VPS33B: variants seen among roughly 807,000 people sequenced by gnomAD.
The protein encoded by VPS33B is vacuolar protein sorting-associated protein 33B.
A neutral mutation model predicts 95.3 loss-of-function variants in VPS33B; 80 were observed. The ratio of observed to expected loss-of-function variants is 0.84; its 90% CI spans 0.70 to 1.01. VPS33B has a LOEUF of 1.01. VPS33B is among the 50% of genes least tolerant of loss of function. The pLI is 0.00. For missense variants in VPS33B, 715 were observed against 773.4 expected, an observed-to-expected ratio of 0.92 and a Z score of 0.90; for synonymous variants, 280 against 280.4, an observed-to-expected ratio of 1.00 and a Z score of 0.01.
rs762059850 is a variant in VPS33B at position 91,001,363 on chromosome 15, C to T, written c.1479+26G>A. The T allele has an allele frequency of 3.8e-6, 6 of 1,580,596 alleles. No individual in the cohort carries two copies. The South Asian group carries it at 6.6e-5, about 17-fold the overall frequency. Reference sequence around the variant, plus strand: ...CCACAATGGAATGAACCCACTGTCTCCCCTAACCATCCCTGTTCCACATAC... The same window carrying T: ...CCACAATGGAATGAACCCACTGTCTTCCCTAACCATCCCTGTTCCACATAC... On this transcript the variant is annotated intron_variant, in intron 19 of 22. Transcript: ENST00000333371.
Position 91,022,149 on chromosome 15 carries a change from C to T in VPS33B, c.96+5G>A. 1 of 1,558,738 alleles carries T rather than the reference C, an allele frequency of 6.4e-7. No homozygotes were observed. The highest frequency in any genetic ancestry group is 8.7e-7 in the Non-Finnish European group (1 of 1,150,298). On this transcript the variant is annotated splice_donor_5th_base_variant and intron_variant, in intron 1 of 22. Coordinates refer to ENST00000333371, the MANE Select transcript of VPS33B (RefSeq NM_018668.5). ...ATGCGATAAAGGCGTCAGGCAAGCA[C>T]TGACCTGCTCCAGCAGATAGATGAG... is the stretch of plus-strand genomic sequence containing the variant.
Position 91,009,712 on chromosome 15 carries a change from G to A in VPS33B, c.403+89C>T, listed in dbSNP as rs1013199553. 7 of 1,369,688 alleles carry A rather than the reference G, an allele frequency of 5.1e-6. No homozygotes were observed. Among genetic ancestry groups the A allele is most frequent in the South Asian group, 2.5e-5 (2 of 80,328 alleles). 84.8% of individuals were successfully genotyped at this position (1,369,688 alleles called of 1,614,324 possible). On this transcript the variant is annotated intron_variant, in intron 6 of 22. Transcript: ENST00000333371. This position sits in a 1 kb window ranked among gnomAD's most constrained non-coding sequence, Gnocchi z 4.1. ...ACCAGGAAAAGAAGGAGCTGGTGGT[G>A]GGGGTGGGGTGGGGGGGTTGGAGAA...
At chr15:91,001,344 T>C (rs370490940) in intron 19 of VPS33B, 45 bp downstream of exon 19, 1 of 1,293,318 alleles carries the variant, frequency 7.7e-7, no homozygotes, top group Non-Finnish European at 1.1e-6. Flanking sequence ...TACTCCACAA[T>C]GGAATGAACC....
chr15:91,016,144 T>C (rs2040916756), intron 3 of VPS33B, among the ~76,000 whole-genome samples: 2 of 151,916 alleles, frequency 1.3e-5, no homozygotes, highest in Non-Finnish European at 2.9e-5. Context: ...ACATTCTTTA[T>C]AGGAGCAGTG....
chr15:91,016,375 CTTTTTTTTTTTTT>C (rs796637381), intron 3 of VPS33B, among the ~76,000 whole-genome samples: 4 of 96,014 alleles, frequency 4.2e-5, no homozygotes, highest in East Asian at 3.3e-4. Flanking sequence ...GCAGATTCTT[CTTTTTTTTTTTTT>C]TTTTTTTTTT....
At position 91,022,367 on chromosome 15, in the gene VPS33B, AC is replaced by A; in HGVS notation, c.-119del. 1.0e-6 allele frequency: 1 copy of A among 986,372 alleles called. No homozygotes were observed. Among genetic ancestry groups the A allele is most frequent in the Non-Finnish European group, 1.5e-6 (1 of 680,890 alleles). 61.1% of individuals were successfully genotyped at this position (986,372 alleles called of 1,614,324 possible). ...CAGGCCTGGGCACCGACTTCCAGAG[AC>A]CCCAGATGGGCCCTCGCTCCTCAGC... is the stretch of plus-strand genomic sequence containing the variant. On this transcript the variant is annotated 5_prime_UTR_variant, in exon 1 of 23. Transcript: ENST00000333371.
chr15:91,008,538 T>A (rs544554964), intron 6 of VPS33B, among the ~76,000 whole-genome samples: 1 of 152,220 alleles, frequency 6.6e-6, no homozygotes, highest in African/African-American at 2.4e-5. Flanking sequence ...GTGCTGGGAT[T>A]ACAGGTGTGA....
rs2040727166 is a variant in VPS33B, at chr15:91,009,720, G to C, written c.403+81C>G. The C allele has an allele frequency of 6.9e-7, 1 of 1,449,682 alleles. No homozygotes were observed. Among genetic ancestry groups the C allele is most frequent in the Non-Finnish European group, 9.5e-7 (1 of 1,050,502 alleles). The allele number at this position is 1,449,682 out of a possible 1,614,324, so 89.8% of individuals were successfully genotyped here. A position where few individuals can be genotyped will look rare whatever the true frequency, so the allele number is the denominator to read the frequency against. On this transcript the variant is annotated intron_variant, in intron 6 of 22. Coordinates refer to ENST00000333371, the MANE Select transcript of VPS33B (RefSeq NM_018668.5). The surrounding 1 kb of genome is among the most constrained non-coding windows in gnomAD (Gnocchi z 4.1). The stretch of plus-strand genomic sequence containing the variant: ...AAGAAGGAGCTGGTGGTGGGGGTGG[G>C]GTGGGGGGGTTGGAGAACAACAACA...
In VPS33B at chr15:91,000,261, G is replaced by T. The variant is rs1596349111; in HGVS notation, c.1581+229C>A. 6.6e-6 allele frequency among the ~76,000 whole-genome samples: 1 copy of T among 152,210 alleles called. No homozygotes were observed. Among genetic ancestry groups the T allele is most frequent in the African/African-American group, 2.4e-5 (1 of 41,450 alleles). On this transcript the variant is annotated intron_variant, in intron 20 of 22. Coordinates refer to ENST00000333371, the MANE Select transcript of VPS33B (RefSeq NM_018668.5). The surrounding 1 kb of genome is among the most constrained non-coding windows in gnomAD (Gnocchi z 4.9). ...AAAATACAAAAATTAGCTGGGTGCA[G>T]TGGCACATGCCTGTAGTCCCAGCTA...
In VPS33B at chr15:91,016,966, T is replaced by G. The variant is rs1189272413; in HGVS notation, c.236A>C (p.Glu79Ala). 6.2e-7 allele frequency: 1 copy of G among 1,613,870 alleles called. No homozygotes were observed. The highest frequency in any genetic ancestry group is 2.2e-5 in the East Asian group (1 of 44,878). ...ACAGACTCTCCCAGACACTCACTGT[T>G]CATTGGAGCTGAGGGCTGGCTTGTT... ...VENKPALSSNEQLCFLVRPRI... is the reference protein window; with the variant it reads ...VENKPALSSNAQLCFLVRPRI... The change falls in exon 3 of 23, where the codon GAA (glutamate) becomes GCA (alanine). Residue 79 changes from glutamate (E) to alanine (A), a missense_variant. Glu to Ala is a moderately radical substitution (Grantham distance 107). Coordinates refer to ENST00000333371, the MANE Select transcript of VPS33B (RefSeq NM_018668.5).
Position 91,007,177 on chromosome 15 carries a change from G to T in VPS33B, c.604-131C>A. 1 of 972,296 alleles carries T rather than the reference G, an allele frequency of 1.0e-6. No homozygotes were observed. Among genetic ancestry groups the T allele is most frequent in the Non-Finnish European group, 1.6e-6 (1 of 619,066 alleles). The allele number at this position is 972,296 out of a possible 1,614,324, so 60.2% of individuals were successfully genotyped here. On this transcript the variant is annotated intron_variant, in intron 8 of 22. Coordinates refer to ENST00000333371, the MANE Select transcript of VPS33B (RefSeq NM_018668.5). The surrounding 1 kb of genome is among the most constrained non-coding windows in gnomAD (Gnocchi z 5.3). ...ACAGGAGCTAATTATTCACAATATG[G>T]CCCTATCTACTCCCGTCTGTGTCTA...
intron 16 of VPS33B, among the ~76,000 whole-genome samples, chr15:91,003,795 A>G (rs2040515120): frequency 6.6e-6 from 1 of 152,238 alleles, no homozygotes; most frequent in Non-Finnish European, 1.5e-5. Context: ...CTTCACAACT[A>G]TTGAGAAATA....
In VPS33B at chr15:91,002,034, T is replaced by C. The variant is rs777578055; in HGVS notation, c.1405+16A>G. The C allele has an allele frequency of 4.3e-6, 7 of 1,613,426 alleles. No homozygotes were observed. The highest frequency in any genetic ancestry group is 3.3e-5 in the Admixed American group (2 of 60,008). ...GACAACAGCTGGAGCAGGGGTCACTTGTGCTCCCTGCTTACCTGCAGCCTT... is the reference window on the plus strand; with the variant it reads ...GACAACAGCTGGAGCAGGGGTCACTCGTGCTCCCTGCTTACCTGCAGCCTT... On this transcript the variant is annotated intron_variant, in intron 18 of 22. Transcript: ENST00000333371. The surrounding 1 kb of genome is among the most constrained non-coding windows in gnomAD (Gnocchi z 4.7).
chr15:91,008,606 A>C (rs1180357113), intron 6 of VPS33B, among the ~76,000 whole-genome samples: 2 of 152,176 alleles, frequency 1.3e-5, no homozygotes, highest in Admixed American at 1.3e-4. Context: ...AAAGCTGCCT[A>C]CATGTAGGAC....
chr15:91,000,638 T>C lies in VPS33B; in HGVS notation c.1480-47A>G. On this transcript the variant is annotated intron_variant, in intron 19 of 22. Coordinates refer to ENST00000333371, the MANE Select transcript of VPS33B (RefSeq NM_018668.5). The surrounding 1 kb of genome is among the most constrained non-coding windows in gnomAD (Gnocchi z 4.9). ...TTAGGCAAGTGACAGCTCAGCTCCC[T>C]AACCCTTTAAAGGGTCAGATAAAGT... The C allele has an allele frequency of 6.4e-7, 1 of 1,558,822 alleles. No individual in the cohort carries two copies. Among genetic ancestry groups the C allele is most frequent in the South Asian group, 1.1e-5 (1 of 89,328 alleles).
In VPS33B at chr15:91,018,368, C is replaced by T. The variant is rs1056519254; in HGVS notation, c.97-483G>A. On this transcript the variant is annotated intron_variant, in intron 1 of 22. Transcript: ENST00000333371. The surrounding 1 kb of genome is among the most constrained non-coding windows in gnomAD (Gnocchi z 4.7). ...TCACCCCATCACCCTTCCACTCCCCCACCCCACAATCCCTGTCATACGATT... is the reference window on the plus strand; with the variant it reads ...TCACCCCATCACCCTTCCACTCCCCTACCCCACAATCCCTGTCATACGATT... Among the ~76,000 whole-genome samples the T allele has an allele frequency of 6.6e-6, 1 of 152,178 alleles. No individual in the cohort carries two copies. The highest frequency in any genetic ancestry group is 2.4e-5 in the African/African-American group (1 of 41,446).
In VPS33B at chr15:91,014,423, A is replaced by G. The variant is rs1452905798; in HGVS notation, c.250T>C (p.Leu84=). 5 of 1,613,578 alleles carry G rather than the reference A, an allele frequency of 3.1e-6. No individual in the cohort carries two copies. The highest frequency in any genetic ancestry group is 1.6e-4 in the Middle Eastern group (1 of 6,062). The change falls in exon 4 of 23, where the codon TTG becomes CTG. Residue 84 remains leucine (L), a synonymous_variant. Coordinates refer to ENST00000333371, the MANE Select transcript of VPS33B (RefSeq NM_018668.5). ...ALSSNEQLCF[L]VRPRIKNMRY... is the part of the protein sequence containing the mutation. ...ATATTCTTGATGCGGGGTCTGACCA[A>G]GAAGCACAATCTATGAGAGAGAAAG...
In VPS33B at chr15:91,015,584, A is replaced by AAGG. The variant is rs534623361; in HGVS notation, c.240-1152_240-1151insCCT. The stretch of plus-strand genomic sequence containing the variant: ...AATCACAGCTACTTGGGAGGCTAAG[A>AAGG]AGAATTGCTTGAACCTGGGAGGCAG... On this transcript the variant is annotated intron_variant, in intron 3 of 22. Coordinates refer to ENST00000333371, the MANE Select transcript of VPS33B (RefSeq NM_018668.5). This position sits in a 1 kb window ranked among gnomAD's most constrained non-coding sequence, Gnocchi z 4.7. Among the ~76,000 whole-genome samples the AAGG allele has an allele frequency of 3.8e-3, 579 of 151,998 alleles. 2 individuals are homozygous for AAGG. Among genetic ancestry groups the AAGG allele is most frequent in the African/African-American group, 0.013 (551 of 41,514 alleles).
chr15:91,017,391 T>A (rs376238050), intron 2 of VPS33B, among the ~76,000 whole-genome samples: 17,310 of 55,726 alleles, frequency 0.31, 5,182 homozygotes, highest in East Asian at 0.98. Context: ...TATATATATA[T>A]ATATATATAT....
Sources: allele counts gnomAD v4.1 joint callset (sites outside exome capture counted in the v4.1 genomes callset), GRCh38; gene constraint gnomAD v4.1.1; non-coding constraint Gnocchi (gnomAD v3.1); transcripts MANE v1.5; gene names NCBI Gene and HGNC (gene_info 2026-07-23, HGNC 2026-07-21).